The following SNX25 variants were observed in gnomAD, a reference collection of about 807,000 sequenced individuals.
SNX25 encodes sorting nexin 25.
Under a neutral mutation model 113.7 loss-of-function variants are expected in SNX25, and 62 were observed. The ratio of observed to expected loss-of-function variants is 0.55; its 90% CI spans 0.44 to 0.67. SNX25 has a LOEUF of 0.67. SNX25 is among the 30% of genes least tolerant of loss of function. The pLI is 0.00. For synonymous variants in SNX25, 421 were observed against 436.2 expected (o/e 0.97, Z 0.43); for missense variants, 1,014 against 1,161.0 (o/e 0.87, Z 1.84).
intron 1 of SNX25, among the ~76,000 whole-genome samples, chr4:185,217,399 G>A (rs969367063): frequency 1.3e-5 from 2 of 152,134 alleles, no homozygotes; most frequent in African/African-American, 4.8e-5. Flanking sequence ...CATTACAATA[G>A]GTTCAAGAAT....
At chr4:185,234,661 G>A (rs1264768815) in intron 1 of SNX25, among the ~76,000 whole-genome samples, 4 of 16,964 alleles carry the variant, frequency 2.4e-4, no homozygotes, top group African/African-American at 3.3e-4. Context: ...CAGCCTGGGC[G>A]ACAGAGCGAG....
chr4:185,363,350 C>G lies in SNX25; in HGVS notation c.2935-35C>G. The G allele has an allele frequency of 1.2e-6, 2 of 1,605,858 alleles. No individual in the cohort carries two copies. The highest frequency in any genetic ancestry group is 1.7e-6 in the Non-Finnish European group (2 of 1,173,192). ...TTTTGAATAAACCCTTGGAGAAAAA[C>G]ATTTTTCCACTTTTTTCCTTCTTTG... On this transcript the variant is annotated intron_variant, in intron 18 of 18. Coordinates refer to ENST00000652585, the MANE Select transcript of SNX25 (RefSeq NM_001378034.2). The surrounding 1 kb of genome is among the most constrained non-coding windows in gnomAD (Gnocchi z 4.2).
intron 11 of SNX25, among the ~76,000 whole-genome samples, chr4:185,369,258 T>G (rs2095406206): frequency 8.0e-6 from 1 of 124,254 alleles, no homozygotes; most frequent in Non-Finnish European, 1.6e-5. Context: ...TGAGACAGAG[T>G]CCCAGGCTGG....
At position 185,299,103 on chromosome 4, in the gene SNX25, T is replaced by C. The variant is rs11937403; in HGVS notation, c.1162+11021T>C. ...GATGTGTGGGGTGGTCAGCCCTACCTGGAGCAGAGGTCAAGAAAGACTTCT... is the reference window on the plus strand; with the variant it reads ...GATGTGTGGGGTGGTCAGCCCTACCCGGAGCAGAGGTCAAGAAAGACTTCT... On this transcript the variant is annotated intron_variant, in intron 6 of 18. Transcript: ENST00000652585. Among the ~76,000 whole-genome samples the C allele has an allele frequency of 8.9e-3, 1,356 of 152,332 alleles. 16 individuals are homozygous for C. The highest frequency in any genetic ancestry group is 0.031 in the African/African-American group (1,292 of 41,572).
At chr4:185,351,249 G>C (rs370133393) in intron 13 of SNX25, among the ~76,000 whole-genome samples, 196 bp from the exon 14 acceptor site, 5 of 152,208 alleles carry the variant, frequency 3.3e-5, no homozygotes, top group African/African-American at 1.2e-4. Flanking sequence ...TTAACCTGGA[G>C]GGGATTGTTT....
At position 185,232,126 on chromosome 4, in the gene SNX25, C is replaced by G. The variant is rs1418318554; in HGVS notation, c.430-15168C>G. Among the ~76,000 whole-genome samples, 1 of 151,968 alleles carries G rather than the reference C, an allele frequency of 6.6e-6. No individual in the cohort carries two copies. Among genetic ancestry groups the G allele is most frequent in the East Asian group, 1.9e-4 (1 of 5,192 alleles). On this transcript the variant is annotated intron_variant, in intron 1 of 18. Coordinates refer to ENST00000652585, the MANE Select transcript of SNX25 (RefSeq NM_001378034.2). This position sits in a 1 kb window ranked among gnomAD's most constrained non-coding sequence, Gnocchi z 4.4. ...GAAAAACACACTCACCCGTCTAAAC[C>G]CAAAGAATGGACTCAGAGACATGAA... is the stretch of plus-strand genomic sequence containing the variant.
At chr4:185,314,341 A>T (rs1441271538) in intron 7 of SNX25, among the ~76,000 whole-genome samples, 1 of 151,414 alleles carries the variant, frequency 6.6e-6, no homozygotes, top group Non-Finnish European at 1.5e-5. Context: ...AAAAAAAAAA[A>T]AAATTAAAAG....
At chr4:185,258,355 T>C (rs1365702517) in intron 2 of SNX25, among the ~76,000 whole-genome samples, 1 of 152,144 alleles carries the variant, frequency 6.6e-6, no homozygotes, top group Non-Finnish European at 1.5e-5. Flanking sequence ...ACACGGGAAC[T>C]GGGGAGAGCA....
intron 6 of SNX25, among the ~76,000 whole-genome samples, chr4:185,299,224 C>T (rs2692593): frequency 0.6 from 91,743 of 152,004 alleles, 28,187 homozygotes; most frequent in East Asian, 0.76. Flanking sequence ...GCGGCACATG[C>T]GCATAGAAAA....
At chr4:185,323,498 T>A (rs761921738) in intron 8 of SNX25, 30 bp from the exon 9 acceptor site, 2 of 1,582,492 alleles carry the variant, frequency 1.3e-6, no homozygotes, top group Admixed American at 1.9e-5. Context: ...ATGATATGTC[T>A]TACTTTTCCT....
intron 1 of SNX25, among the ~76,000 whole-genome samples, chr4:185,231,265 A>AT (rs1741811095): frequency 6.6e-6 from 1 of 151,000 alleles, no homozygotes; most frequent in South Asian, 2.1e-4. Context: ...CGCCCGGCTA[A>AT]TTTTTTTGTA....
intron 5 of SNX25, among the ~76,000 whole-genome samples, chr4:185,268,268 C>T (rs1344040589): frequency 6.6e-6 from 1 of 152,098 alleles, no homozygotes; most frequent in Non-Finnish European, 1.5e-5. Flanking sequence ...TTGTCTTGGA[C>T]AGTACAGAGG....
chr4:185,313,616 C>T (rs2095048021), intron 7 of SNX25, among the ~76,000 whole-genome samples: 1 of 152,012 alleles, frequency 6.6e-6, no homozygotes, highest in Non-Finnish European at 1.5e-5. Flanking sequence ...CAATATATCC[C>T]ACAATTATTT....
intron 4 of SNX25, 152 bp downstream of exon 4, chr4:185,264,762 C>A (rs1747811078): frequency 1.2e-5 from 10 of 807,986 alleles, no homozygotes; most frequent in Middle Eastern, 7.3e-4. Context: ...TCAGGATAAA[C>A]TTAAATTTTT....
At position 185,323,687 on chromosome 4, in the gene SNX25, A is replaced by T. The variant is rs1431178722; in HGVS notation, c.1636A>T (p.Thr546Ser). 2 of 1,613,682 alleles carry T rather than the reference A, an allele frequency of 1.2e-6. No homozygotes were observed. The highest frequency in any genetic ancestry group is 3.3e-5 in the Admixed American group (2 of 60,008). The change falls in exon 9 of 19, where the codon ACC (threonine) becomes TCC (serine). Residue 546 changes from threonine to serine, a missense_variant. Coordinates refer to ENST00000652585, the MANE Select transcript of SNX25 (RefSeq NM_001378034.2). ...CAAAATCCAGGAAGATGTTTATGAG[A>T]CCCTAAAGGATAGGTATTACCCTTC... ...FYKIQEDVYE[T>S]LKDRYYPSFI... is the part of the protein sequence containing the mutation.
At chr4:185,371,354 A>G (rs1391029668), downstream of SNX25, among the ~76,000 whole-genome samples, 1 of 152,056 alleles carries the variant, frequency 6.6e-6, no homozygotes, top group South Asian at 2.1e-4. Flanking sequence ...CCTGGCTAAC[A>G]TGGTGAAACC....
intron 16 of SNX25, among the ~76,000 whole-genome samples, chr4:185,359,661 G>C (rs2095353472): frequency 6.6e-6 from 1 of 152,050 alleles, no homozygotes. Flanking sequence ...GGGCATGGTG[G>C]GTGCATGCAC....
At chr4:185,207,475 C>T (rs1004888888), upstream of SNX25, among the ~76,000 whole-genome samples, 17 of 152,230 alleles carry the variant, frequency 1.1e-4, no homozygotes, top group Admixed American at 1.1e-3. Flanking sequence ...ACCTCGGCTT[C>T]CCAAAGTGCT....
Position 185,318,943 on chromosome 4 carries a change from G to T in SNX25, c.1345-1790G>T, listed in dbSNP as rs543870691. Among the ~76,000 whole-genome samples, 45 of 152,232 alleles carry T rather than the reference G, an allele frequency of 3.0e-4. No homozygotes were observed. In the East Asian group the frequency reaches 8.1e-3, roughly 27 times the overall value. On this transcript the variant is annotated intron_variant, in intron 7 of 18. Coordinates refer to ENST00000652585, the MANE Select transcript of SNX25 (RefSeq NM_001378034.2). Reference sequence around the variant, plus strand: ...AGAAGGTTCAATATCTCCACAGGTAGCTACTCTGTGTTTGCCTTATCTTAT... The same window carrying T: ...AGAAGGTTCAATATCTCCACAGGTATCTACTCTGTGTTTGCCTTATCTTAT...
Sources: allele counts gnomAD v4.1 joint callset (sites outside exome capture counted in the v4.1 genomes callset), GRCh38; gene constraint gnomAD v4.1.1; non-coding constraint Gnocchi (gnomAD v3.1); transcripts MANE v1.5; gene names NCBI Gene and HGNC (gene_info 2026-07-23, HGNC 2026-07-21).